L3MBTL4: variants seen among roughly 807,000 people sequenced by gnomAD.
L3MBTL4 encodes the protein lethal(3)malignant brain tumor-like protein 4.
In L3MBTL4, 70 loss-of-function variants were observed where a neutral mutation model predicts 84.5. That is an observed-to-expected ratio of 0.83 (90% CI 0.68 to 1.01). The LOEUF is 1.01. Ranked by LOEUF, L3MBTL4 falls within the 50% of genes least tolerant of loss-of-function variation. The probability of loss-of-function intolerance (pLI) is 0.00; values close to 1 mark genes in which losing one functional copy is unlikely to be tolerated. For missense variants in L3MBTL4, 715 were observed against 754.8 expected, an observed-to-expected ratio of 0.95 and a Z score of 0.62; for synonymous variants, 274 against 259.8, an observed-to-expected ratio of 1.05 and a Z score of -0.52.
chr18:6,366,375 A>G (rs992004138), intron 1 of L3MBTL4, among the ~76,000 whole-genome samples: 1 of 152,210 alleles, frequency 6.6e-6, no homozygotes, highest in Admixed American at 6.5e-5. Context: ...TGTGGCTACT[A>G]TGTCTAGAGA....
rs181932675 is a variant in L3MBTL4 at position 6,038,669 on chromosome 18, A to T, written c.1444+42212T>A. Among the ~76,000 whole-genome samples, 120 of 152,312 alleles carry T rather than the reference A, an allele frequency of 7.9e-4. 1 individual carries two copies. The South Asian group carries it at 0.012, about 15-fold the overall frequency. On this transcript the variant is annotated intron_variant, in intron 16 of 18. Coordinates refer to ENST00000317931, the MANE Select transcript of L3MBTL4 (RefSeq NM_001330559.2). ...GTATAGTGCAGCAATGTGAGGAGGC[A>T]TCTAAGAGAAATAAAAAACAACAAC...
At chr18:6,312,621 T>C (rs2050892480) in intron 1 of L3MBTL4, among the ~76,000 whole-genome samples, 1 of 152,162 alleles carries the variant, frequency 6.6e-6, no homozygotes, top group Admixed American at 6.5e-5. Context: ...GCCTGCATCA[T>C]CCCAGGAGAA....
At chr18:6,339,379 A>G (rs1334512000) in intron 1 of L3MBTL4, among the ~76,000 whole-genome samples, 3 of 152,208 alleles carry the variant, frequency 2.0e-5, no homozygotes, top group Admixed American at 2.0e-4. Flanking sequence ...TGGAAATTGA[A>G]TGCTTCTAAT....
chr18:6,233,313 T>C (rs972328635), intron 10 of L3MBTL4, among the ~76,000 whole-genome samples: 1 of 150,008 alleles, frequency 6.7e-6, no homozygotes, highest in South Asian at 2.1e-4. Flanking sequence ...TTGGAAGTTC[T>C]GGCCAAGGCA....
chr18:6,206,247 T>G (rs1473563244), intron 12 of L3MBTL4, among the ~76,000 whole-genome samples: 1 of 152,206 alleles, frequency 6.6e-6, no homozygotes, highest in Admixed American at 6.5e-5. Context: ...CATTTTGCAT[T>G]GGAGCTATCT....
At chr18:6,368,658 T>C (rs906933946) in intron 1 of L3MBTL4, among the ~76,000 whole-genome samples, 1 of 152,166 alleles carries the variant, frequency 6.6e-6, no homozygotes. Flanking sequence ...CCCTTGACTT[T>C]AGGAGCCTAC....
At chr18:6,332,092 T>C (rs1453316014) in intron 1 of L3MBTL4, among the ~76,000 whole-genome samples, 1 of 152,206 alleles carries the variant, frequency 6.6e-6, no homozygotes, top group East Asian at 1.9e-4. Context: ...GGAAAGGCTC[T>C]TCTCACCTTG....
At chr18:6,366,762 A>G (rs2053952869) in intron 1 of L3MBTL4, among the ~76,000 whole-genome samples, 2 of 152,244 alleles carry the variant, frequency 1.3e-5, no homozygotes, top group Admixed American at 6.5e-5. Context: ...GTTTAATGCC[A>G]AGGAGCCTGG....
chr18:6,365,567 A>G (rs1195122229), intron 1 of L3MBTL4, among the ~76,000 whole-genome samples: 2 of 152,230 alleles, frequency 1.3e-5, no homozygotes, highest in African/African-American at 2.4e-5. Flanking sequence ...AAGATAAGGC[A>G]GCAACAATAG....
chr18:6,099,660 C>A (rs2058754543), intron 14 of L3MBTL4, among the ~76,000 whole-genome samples: 1 of 135,108 alleles, frequency 7.4e-6, no homozygotes, highest in African/African-American at 2.6e-5. Flanking sequence ...CTTCAAATTC[C>A]TGTGGCTGTA....
chr18:6,140,364 G>T (rs1461090097), intron 13 of L3MBTL4, among the ~76,000 whole-genome samples: 5 of 152,204 alleles, frequency 3.3e-5, no homozygotes, highest in Non-Finnish European at 7.3e-5. Context: ...GTGGCGCGAA[G>T]GTGGGAAAGA....
chr18:6,353,691 G>A (rs536335064), intron 1 of L3MBTL4, among the ~76,000 whole-genome samples: 2 of 151,742 alleles, frequency 1.3e-5, no homozygotes, highest in African/African-American at 4.8e-5. Context: ...TTTTACAATA[G>A]GTAGAAATAA....
chr18:6,282,155 C>G (rs16949782), intron 4 of L3MBTL4, among the ~76,000 whole-genome samples: 26,920 of 152,136 alleles, frequency 0.18, 2,452 homozygotes, highest in East Asian at 0.23. Context: ...ACTAATTAAA[C>G]CAATACTCAT....
chr18:6,352,515 A>AT (rs2053246193), intron 1 of L3MBTL4, among the ~76,000 whole-genome samples: 1 of 152,224 alleles, frequency 6.6e-6, no homozygotes, highest in Non-Finnish European at 1.5e-5. Flanking sequence ...TAGAGGAAAA[A>AT]TAAAAAGTGG....
At chr18:6,333,318 T>G (rs1037235589) in intron 1 of L3MBTL4, among the ~76,000 whole-genome samples, 1 of 152,164 alleles carries the variant, frequency 6.6e-6, no homozygotes, top group Non-Finnish European at 1.5e-5. Flanking sequence ...CTCATGCCTG[T>G]AATCCCAACA....
At chr18:6,190,030 G>A (rs1375571261) in intron 12 of L3MBTL4, among the ~76,000 whole-genome samples, 2 of 152,048 alleles carry the variant, frequency 1.3e-5, no homozygotes, top group African/African-American at 2.4e-5. Context: ...TTCAAGAAAC[G>A]TAGTCAATCC....
chr18:6,347,659 G>C (rs955519563), intron 1 of L3MBTL4, among the ~76,000 whole-genome samples: 3 of 151,046 alleles, frequency 2.0e-5, no homozygotes, highest in Non-Finnish European at 4.4e-5. Context: ...AAATAGACAA[G>C]AACCACCTAA....
At chr18:5,960,184 T>A in intron 17 of L3MBTL4, 28 bp from the exon 18 acceptor site, 1 of 1,440,178 alleles carries the variant, frequency 6.9e-7, no homozygotes, top group Non-Finnish European at 9.6e-7. Context: ...AAGCCTAATT[T>A]AATACATGCA....
intron 3 of L3MBTL4, among the ~76,000 whole-genome samples, chr18:6,311,247 G>A (rs2050817214): frequency 6.6e-6 from 1 of 151,892 alleles, no homozygotes; most frequent in African/African-American, 2.4e-5. Context: ...TTTCTCTGGA[G>A]AACCCTAATG....
Sources: allele counts gnomAD v4.1 joint callset (sites outside exome capture counted in the v4.1 genomes callset), GRCh38; gene constraint gnomAD v4.1.1; transcripts MANE v1.5; gene names NCBI Gene and HGNC (gene_info 2026-07-23, HGNC 2026-07-21).